The following DISP1 variants were observed in gnomAD, a reference collection of about 807,000 sequenced individuals.
DISP1 encodes protein dispatched homolog 1.
Under a neutral mutation model 37.3 loss-of-function variants are expected in DISP1, and 30 were observed. The observed-to-expected ratio is 0.80, with a 90% CI of 0.60 to 1.09. The LOEUF is 1.09. Ranked by LOEUF, DISP1 falls within the 50% of genes least tolerant of loss-of-function variation. DISP1 has a pLI of 0.00. For missense variants in DISP1, 1,598 were observed against 1,879.5 expected (o/e 0.85, Z 2.77); for synonymous variants, 634 against 690.2 (o/e 0.92, Z 1.28).
intron 1 of DISP1, among the ~76,000 whole-genome samples, chr1:222,866,197 T>C (rs1435556744): frequency 6.6e-6 from 1 of 152,202 alleles, no homozygotes; most frequent in Non-Finnish European, 1.5e-5. Flanking sequence ...AATGCCATTT[T>C]CTTTCTGTCA....
At chr1:222,973,607 T>C (rs1157077208) in intron 3 of DISP1, among the ~76,000 whole-genome samples, 2 of 152,238 alleles carry the variant, frequency 1.3e-5, no homozygotes, top group Non-Finnish European at 2.9e-5. Context: ...TATTTAAGAA[T>C]CTTCTTATTA....
At chr1:222,979,625 C>T (rs1277393979) in intron 3 of DISP1, 7 of 470,834 alleles carry the variant, frequency 1.5e-5, no homozygotes, top group Non-Finnish European at 2.2e-5. Context: ...TTTGTAGATT[C>T]ACCAGAAAAA....
intron 4 of DISP1, among the ~76,000 whole-genome samples, chr1:222,986,306 G>GA (rs11428664): frequency 0.62 from 94,579 of 151,672 alleles, 30,305 homozygotes; most frequent in East Asian, 0.75. Flanking sequence ...AAGAGCAAGG[G>GA]AAAAAAAATC....
chr1:222,822,588 G>C (rs1663205991), intron 1 of DISP1, among the ~76,000 whole-genome samples: 1 of 152,156 alleles, frequency 6.6e-6, no homozygotes, highest in East Asian at 1.9e-4. Context: ...TTTCATAAAT[G>C]ATTTAATACA....
chr1:222,953,174 C>T (rs1212775245), intron 3 of DISP1, among the ~76,000 whole-genome samples: 1 of 152,148 alleles, frequency 6.6e-6, no homozygotes, highest in Non-Finnish European at 1.5e-5. Flanking sequence ...CCTCATTGTA[C>T]AACATAAAGT....
intron 3 of DISP1, among the ~76,000 whole-genome samples, chr1:222,959,285 C>T (rs1210822450): frequency 6.6e-6 from 1 of 152,138 alleles, no homozygotes; most frequent in Non-Finnish European, 1.5e-5. Flanking sequence ...TGAACCCTTA[C>T]TATATGCCAG....
chr1:222,984,163 T>C (rs1414752053), intron 4 of DISP1, among the ~76,000 whole-genome samples: 2 of 151,900 alleles, frequency 1.3e-5, no homozygotes, highest in African/African-American at 2.4e-5. Flanking sequence ...CCCAGCACTT[T>C]GGGAGGATGA....
At chr1:222,931,151 A>G (rs946699634) in intron 2 of DISP1, among the ~76,000 whole-genome samples, 1 of 152,040 alleles carries the variant, frequency 6.6e-6, no homozygotes, top group African/African-American at 2.4e-5. Context: ...ATCTAAATCA[A>G]ACAACTTTTA....
intron 1 of DISP1, among the ~76,000 whole-genome samples, chr1:222,892,994 T>G (rs1671021604): frequency 6.6e-6 from 1 of 152,264 alleles, no homozygotes; most frequent in South Asian, 2.1e-4. Flanking sequence ...CTTTTAAATA[T>G]CAAATATTTG....
At chr1:222,907,724 G>A (rs571211520) in intron 1 of DISP1, among the ~76,000 whole-genome samples, 2 of 152,280 alleles carry the variant, frequency 1.3e-5, no homozygotes, top group South Asian at 2.1e-4. Context: ...GGCCAAGGTC[G>A]GCGGATCACG....
chr1:222,897,103 A>G (rs893557624), intron 1 of DISP1, among the ~76,000 whole-genome samples: 4 of 152,258 alleles, frequency 2.6e-5, no homozygotes, highest in Non-Finnish European at 5.9e-5. Context: ...CTAAGTATCC[A>G]TGAATAGGGA....
At chr1:222,840,921 C>T (rs1667575937) in intron 1 of DISP1, among the ~76,000 whole-genome samples, 1 of 152,042 alleles carries the variant, frequency 6.6e-6, no homozygotes, top group Non-Finnish European at 1.5e-5. Context: ...ATAGTTATAC[C>T]ATTTAGTTAA....
intron 1 of DISP1, among the ~76,000 whole-genome samples, chr1:222,875,825 C>A (rs1669938611): frequency 3.6e-5 from 3 of 83,326 alleles, no homozygotes; most frequent in Non-Finnish European, 7.1e-5. Context: ...GAAACCACAT[C>A]TCAATAAAAA....
rs1158642729 is a variant in DISP1 at position 222,943,275 on chromosome 1, A to G, written c.452A>G (p.His151Arg). 1.9e-6 allele frequency: 3 copies of G among 1,613,952 alleles called. No individual in the cohort carries two copies. Among genetic ancestry groups the G allele is most frequent in the African/African-American group, 1.3e-5 (1 of 74,918 alleles). The change falls in exon 3 of 9, where the codon CAT (histidine) becomes CGT (arginine). Residue 151 changes from histidine (H) to arginine (R), a missense_variant. Coordinates refer to ENST00000675850, the MANE Select transcript of DISP1 (RefSeq NM_001377229.1). ...LQPSPSFCLH[H>R]PWPDHFQHQP... is the part of the protein sequence containing the mutation. The stretch of plus-strand genomic sequence containing the variant: ...CCCTCTCCATCCTTCTGCCTGCATC[A>G]TCCGTGGCCTGACCATTTTCAGCAT...
intron 1 of DISP1, among the ~76,000 whole-genome samples, chr1:222,849,218 C>G (rs1668089532): frequency 6.6e-6 from 1 of 152,180 alleles, no homozygotes; most frequent in Non-Finnish European, 1.5e-5. Context: ...ATCCAAGCAT[C>G]TGTTCTCTAT....
At chr1:222,858,448 A>C (rs1373865227) in intron 1 of DISP1, among the ~76,000 whole-genome samples, 1 of 152,218 alleles carries the variant, frequency 6.6e-6, no homozygotes, top group Non-Finnish European at 1.5e-5. Context: ...AATCACCAAA[A>C]GTAATTGCAA....
chr1:222,887,309 T>C lies in DISP1; in HGVS notation c.-158-41121T>C, dbSNP rs188536524. 2.1e-3 allele frequency among the ~76,000 whole-genome samples: 321 copies of C among 152,276 alleles called. 2 individuals are homozygous for C. The highest frequency in any genetic ancestry group is 7.1e-3 in the African/African-American group (297 of 41,556). ...TTATTTTCCTGCCTGTATGTCATCC[T>C]TCTGATTGGCTGTTCTGATTGTAGC... On this transcript the variant is annotated intron_variant, in intron 1 of 8. Transcript: ENST00000675850.
intron 1 of DISP1, among the ~76,000 whole-genome samples, chr1:222,836,350 C>A (rs901617564): frequency 3.9e-5 from 6 of 152,152 alleles, no homozygotes; most frequent in Admixed American, 6.5e-5. Flanking sequence ...TGTGACCAAA[C>A]TTTAATATCT....
intron 1 of DISP1, among the ~76,000 whole-genome samples, chr1:222,903,827 G>A (rs899993705): frequency 1.3e-5 from 2 of 152,196 alleles, no homozygotes; most frequent in Non-Finnish European, 2.9e-5. Flanking sequence ...CCCAGGTTCT[G>A]AGGTGTTTAC....
Sources: gnomAD v4.1 joint callset for allele counts (sites outside exome capture counted in the v4.1 genomes callset) on GRCh38, gnomAD v4.1.1 for gene constraint, MANE v1.5 for transcripts, NCBI Gene and HGNC (gene_info 2026-07-23, HGNC 2026-07-21) for gene names.